UNC13C: variants seen among roughly 807,000 people sequenced by gnomAD.
UNC13C encodes the protein unc-13 homolog C.
Under a neutral mutation model 245.4 loss-of-function variants are expected in UNC13C, and 174 were observed. The ratio of observed to expected loss-of-function variants is 0.71; its 90% CI spans 0.63 to 0.80. The LOEUF (loss-of-function observed/expected upper bound fraction) is 0.80. Among genes scored for constraint, UNC13C ranks in the 30% least tolerant of loss-of-function variants. The pLI is 0.00. For missense variants in UNC13C, 2,829 were observed against 2,602.9 expected, an observed-to-expected ratio of 1.09 and a Z score of -1.89; for synonymous variants, 992 against 895.1, an observed-to-expected ratio of 1.11 and a Z score of -1.93.
At chr15:54,467,831 A>AT (rs1172860087) in intron 19 of UNC13C, among the ~76,000 whole-genome samples, 3 of 151,734 alleles carry the variant, frequency 2.0e-5, no homozygotes, top group Non-Finnish European at 4.4e-5. Flanking sequence ...CATTGTGTGT[A>AT]TATTTCCCAT....
At chr15:54,101,082 G>A (rs562905931) in intron 2 of UNC13C, among the ~76,000 whole-genome samples, 95 of 152,046 alleles carry the variant, frequency 6.2e-4, no homozygotes, top group African/African-American at 2.3e-3. Flanking sequence ...TTAGATTTCT[G>A]TTTTATGGAG....
At chr15:54,201,984 A>G (rs1213220195) in intron 4 of UNC13C, among the ~76,000 whole-genome samples, 2 of 152,086 alleles carry the variant, frequency 1.3e-5, no homozygotes, top group African/African-American at 4.8e-5. Context: ...TATAAAATCA[A>G]TGTACACAAA....
At chr15:54,629,877 G>T (rs1490671106), downstream of UNC13C, 1 of 152,136 alleles carries the variant, frequency 6.6e-6, no homozygotes, top group East Asian at 1.9e-4. Context: ...GTGGCAGGGT[G>T]AATTAAGTCT....
At chr15:54,185,649 T>A (rs1337707115) in intron 4 of UNC13C, among the ~76,000 whole-genome samples, 1 of 146,856 alleles carries the variant, frequency 6.8e-6, no homozygotes, top group Non-Finnish European at 1.5e-5. Flanking sequence ...TTTGTACCAG[T>A]ACCATGCTGT....
In UNC13C at chr15:54,153,228, T is replaced by C. The variant is rs1030795199; in HGVS notation, c.3071+9544T>C. On this transcript the variant is annotated intron_variant, in intron 4 of 32. Coordinates refer to ENST00000260323, the MANE Select transcript of UNC13C (RefSeq NM_001080534.3). ...CAGATTAAGAGTTCTTAGTTTTTAGTCTGTCTTAACATTTAGAAAGAATAT... is the reference window on the plus strand; with the variant it reads ...CAGATTAAGAGTTCTTAGTTTTTAGCCTGTCTTAACATTTAGAAAGAATAT... 4.6e-5 allele frequency among the ~76,000 whole-genome samples: 7 copies of C among 152,152 alleles called. No homozygotes were observed. The South Asian group carries it at 1.4e-3, about 31-fold the overall frequency.
At chr15:53,872,549 T>A in the UNC13C span, among the ~76,000 whole-genome samples, 1 of 152,308 alleles carries the variant, frequency 6.6e-6, no homozygotes, top group South Asian at 2.1e-4. Context: ...GTTTCAACAG[T>A]TGTCCCTGTG....
At chr15:54,224,571 C>T (rs1001402489) in intron 4 of UNC13C, among the ~76,000 whole-genome samples, 1 of 152,070 alleles carries the variant, frequency 6.6e-6, no homozygotes, top group African/African-American at 2.4e-5. Context: ...AATTAGTGTT[C>T]ATCAGGGATA....
chr15:54,017,958 C>T (rs1473727900), intron 2 of UNC13C, among the ~76,000 whole-genome samples: 1 of 152,142 alleles, frequency 6.6e-6, no homozygotes, highest in African/African-American at 2.4e-5. Flanking sequence ...TAGAGGAAAT[C>T]AGCACACACA....
chr15:54,472,664 G>C (rs1224427489), intron 19 of UNC13C, among the ~76,000 whole-genome samples: 1 of 151,792 alleles, frequency 6.6e-6, no homozygotes, highest in Non-Finnish European at 1.5e-5. Flanking sequence ...GCAATGTATA[G>C]TATTATTGGT....
chr15:53,876,402 C>A, the UNC13C span, among the ~76,000 whole-genome samples: 1 of 152,214 alleles, frequency 6.6e-6, no homozygotes, highest in Non-Finnish European at 1.5e-5. Flanking sequence ...GACTGAATGC[C>A]GTGTTAATCT....
intron 19 of UNC13C, among the ~76,000 whole-genome samples, chr15:54,439,051 C>T (rs971390990): frequency 2.6e-5 from 4 of 151,914 alleles, no homozygotes; most frequent in Admixed American, 2.0e-4. Flanking sequence ...TGCACTAGAT[C>T]AGGACAACAT....
Position 54,013,074 on chromosome 15 carries a change from C to T in UNC13C, c.171C>T (p.Tyr57=), listed in dbSNP as rs150304639. ...AGQTKSPKFS[Y]TFKSTVKKIA... is the part of the protein sequence containing the mutation. ...AGACCAAATCCCCCAAATTTTCTTACACTTTTAAAAGCACTGTAAAGAAGA... is the reference window on the plus strand; with the variant it reads ...AGACCAAATCCCCCAAATTTTCTTATACTTTTAAAAGCACTGTAAAGAAGA... Residue 57 remains tyrosine (Y), a synonymous_variant, in exon 2 of 33, where the codon TAC becomes TAT. Transcript: ENST00000260323. The T allele has an allele frequency of 9.3e-6, 15 of 1,613,880 alleles. No homozygotes were observed. The African/African-American group carries it at 1.3e-4, about 14-fold the overall frequency.
At chr15:54,366,282 A>T (rs1350688635) in intron 17 of UNC13C, among the ~76,000 whole-genome samples, 1 of 152,166 alleles carries the variant, frequency 6.6e-6, no homozygotes, top group Non-Finnish European at 1.5e-5. Context: ...ACGTGGCAAA[A>T]TGTAAAGAAG....
chr15:53,976,477 C>CTCTTTTTTTTTTTTTT (rs1325952003), upstream of UNC13C, among the ~76,000 whole-genome samples: 3 of 63,022 alleles, frequency 4.8e-5, no homozygotes, highest in African/African-American at 5.8e-5. Flanking sequence ...CTCTCTCTCT[C>CTCTTTTTTTTTTTTTT]TTTTTTTTTT....
chr15:54,122,085 G>A (rs12101892), intron 2 of UNC13C, among the ~76,000 whole-genome samples: 93,936 of 151,688 alleles, frequency 0.62, 29,963 homozygotes, highest in African/African-American at 0.78. Context: ...TGCTAATATG[G>A]CAGCTAGTCT....
intron 19 of UNC13C, among the ~76,000 whole-genome samples, chr15:54,435,115 C>T (rs1359648794): frequency 6.6e-6 from 1 of 152,098 alleles, no homozygotes; most frequent in East Asian, 1.9e-4. Flanking sequence ...AATAGGAATG[C>T]TTTTACACTG....
rs142501270 is a variant in UNC13C at position 54,064,072 on chromosome 15, TTTC to T, written c.2983+48195_2983+48197del. Among the ~76,000 whole-genome samples, 86 of 152,216 alleles carry T rather than the reference TTTC, an allele frequency of 5.6e-4. No individual in the cohort carries two copies. In the East Asian group the frequency reaches 0.01, roughly 18 times the overall value. On this transcript the variant is annotated intron_variant, in intron 2 of 32. Transcript: ENST00000260323. ...TGCTCACCATCCTCCTACCTCAATT[TTTC>T]TTCTTCTTTTTTTTTTCAGATTTGT...
chr15:54,041,106 G>A (rs1464665449), intron 2 of UNC13C, among the ~76,000 whole-genome samples: 1 of 152,112 alleles, frequency 6.6e-6, no homozygotes, highest in Non-Finnish European at 1.5e-5. Context: ...GCTTATTAAT[G>A]GATAACGTAG....
intron 7 of UNC13C, among the ~76,000 whole-genome samples, chr15:54,240,299 G>C (rs2035817230): frequency 6.6e-6 from 1 of 152,180 alleles, no homozygotes; most frequent in African/African-American, 2.4e-5. Context: ...CATATTAAAT[G>C]TCACTATTGA....
Sources: allele counts gnomAD v4.1 joint callset (sites outside exome capture counted in the v4.1 genomes callset), GRCh38; gene constraint gnomAD v4.1.1; transcripts MANE v1.5; gene names NCBI Gene and HGNC (gene_info 2026-07-23, HGNC 2026-07-21).